Variants in ATXN7 observed in about 807,000 individuals in gnomAD.
ATXN7 encodes ataxin 7.
A neutral mutation model predicts 70.5 loss-of-function variants in ATXN7; 12 were observed. The observed-to-expected ratio is 0.17, with a 90% confidence interval of 0.11 to 0.28. The LOEUF is 0.28. Ranked by LOEUF, ATXN7 falls within the 10% of genes least tolerant of loss-of-function variation. The probability of loss-of-function intolerance (pLI) is 1.00; values close to 1 mark genes in which losing one functional copy is unlikely to be tolerated. For missense variants in ATXN7, 1,256 were observed against 1,131.7 expected, an observed-to-expected ratio of 1.11 and a Z score of -1.58; for synonymous variants, 498 against 448.7, an observed-to-expected ratio of 1.11 and a Z score of -1.39.
intron 4 of ATXN7, among the ~76,000 whole-genome samples, chr3:63,944,267 T>TTAAAGCTTAACTTATAACTTATAACTTA (rs2074820327): frequency 6.6e-6 from 1 of 152,212 alleles, no homozygotes; most frequent in Non-Finnish European, 1.5e-5. Flanking sequence ...CATAACTATG[T>TTAAAGCTTAACTTATAACTTATAACTTA]TAAAGCTTAA....
In ATXN7 at chr3:63,990,441, C is replaced by G. The variant is rs139396106; in HGVS notation, c.1560+67C>G. On this transcript the variant is annotated intron_variant, in intron 10 of 12. Transcript: ENST00000674280. ...GCATGGACAGGGCACTGCAGGGGGG[C>G]GCGCCAGGGATCTTGGCATGCCCGT... is the stretch of plus-strand genomic sequence containing the variant. The G allele has an allele frequency of 1.3e-5, 20 of 1,568,702 alleles. No individual in the cohort carries two copies. The East Asian group carries it at 2.7e-4, about 21-fold the overall frequency.
chr3:63,989,454 T>A (rs980045606), intron 9 of ATXN7, among the ~76,000 whole-genome samples: 1 of 152,206 alleles, frequency 6.6e-6, no homozygotes, highest in Non-Finnish European at 1.5e-5. Context: ...TTTTGCAAAT[T>A]ACAGTCAGCC....
chr3:64,000,085 T>G lies in ATXN7; in HGVS notation c.*618T>G, dbSNP rs1057073382. ...ACCATGACAAAATAGCCCAGCCTTT[T>G]GAGAGTAATTTGGGAAAAGAAGCTG... On this transcript the variant is annotated 3_prime_UTR_variant, in exon 13 of 13. Transcript: ENST00000674280. 2.0e-5 allele frequency: 3 copies of G among 152,672 alleles called. No homozygotes were observed. The highest frequency in any genetic ancestry group is 7.2e-5 in the African/African-American group (3 of 41,432). 9.5% of individuals were successfully genotyped at this position (152,672 alleles called of 1,614,324 possible).
chr3:63,881,884 G>A (rs1191076957), intron 1 of ATXN7, among the ~76,000 whole-genome samples: 2 of 152,300 alleles, frequency 1.3e-5, no homozygotes, highest in East Asian at 1.9e-4. Context: ...CTAGGCCAGG[G>A]AGTTACTTTC....
chr3:63,996,388 G>C lies in ATXN7; in HGVS notation c.2566G>C (p.Val856Leu). 1 of 1,614,108 alleles carries C rather than the reference G, an allele frequency of 6.2e-7. No homozygotes were observed. The highest frequency in any genetic ancestry group is 8.5e-7 in the Non-Finnish European group (1 of 1,180,032). ...CAACAGCAGCAGCAAACCCACAAAGGTTGCCAAAGTGCCAGCCGTGAACAA... is the reference window on the plus strand; with the variant it reads ...CAACAGCAGCAGCAAACCCACAAAGCTTGCCAAAGTGCCAGCCGTGAACAA... ...INNSSSKPTK[V>L]AKVPAVNNVH... Residue 856 changes from valine (V) to leucine (L), a missense_variant, in exon 12 of 13, where the codon GTT becomes CTT. Val to Leu is a conservative substitution (Grantham distance 32). Transcript: ENST00000674280.
intron 1 of ATXN7, among the ~76,000 whole-genome samples, chr3:63,872,206 A>G (rs1285672064): frequency 1.3e-5 from 2 of 152,246 alleles, no homozygotes; most frequent in Admixed American, 6.5e-5. Flanking sequence ...AAACTTTAGG[A>G]CGTGAATACA....
chr3:63,896,036 C>T (rs1041667112), intron 1 of ATXN7, among the ~76,000 whole-genome samples: 4 of 152,070 alleles, frequency 2.6e-5, no homozygotes, highest in Admixed American at 1.3e-4. Context: ...CAGTTTGTGT[C>T]GTGTGTCCAG....
intron 1 of ATXN7, among the ~76,000 whole-genome samples, chr3:63,868,503 A>G (rs534956646): frequency 2.9e-4 from 44 of 152,364 alleles, no homozygotes; most frequent in Admixed American, 6.5e-4. Context: ...TAATAAGTAC[A>G]TTATTTCCAA....
intron 4 of ATXN7, among the ~76,000 whole-genome samples, chr3:63,927,040 G>T (rs549672375): frequency 3.9e-5 from 6 of 152,216 alleles, no homozygotes; most frequent in African/African-American, 1.4e-4. Context: ...TGTATGTGCC[G>T]CATTTTCTTT....
At chr3:63,903,404 A>G (rs939976429) in intron 2 of ATXN7, among the ~76,000 whole-genome samples, 1 of 151,624 alleles carries the variant, frequency 6.6e-6, no homozygotes. Context: ...AAAAAAAAAA[A>G]AAAAAGGCAC....
chr3:63,873,304 C>T (rs1267651632), intron 1 of ATXN7, among the ~76,000 whole-genome samples: 1 of 152,154 alleles, frequency 6.6e-6, no homozygotes, highest in Non-Finnish European at 1.5e-5. Context: ...GATGTGGTGA[C>T]AACAATGCCA....
intron 2 of ATXN7, among the ~76,000 whole-genome samples, chr3:63,903,105 C>T (rs1391723532): frequency 1.3e-5 from 2 of 151,814 alleles, no homozygotes; most frequent in Non-Finnish European, 2.9e-5. Context: ...CAAAAATAGG[C>T]ACATGTGGGC....
chr3:63,888,383 C>T (rs1703151003), intron 1 of ATXN7, among the ~76,000 whole-genome samples: 4 of 152,188 alleles, frequency 2.6e-5, no homozygotes, highest in Admixed American at 2.0e-4. Context: ...AAAACCAGGA[C>T]ATTGACATTG....
At chr3:63,875,788 G>T (rs568767888) in intron 1 of ATXN7, among the ~76,000 whole-genome samples, 1 of 152,000 alleles carries the variant, frequency 6.6e-6, no homozygotes, top group Non-Finnish European at 1.5e-5. Flanking sequence ...TTTAATTAAG[G>T]TCTCCAGACA....
At chr3:63,887,193 A>G (rs1183488228) in intron 1 of ATXN7, among the ~76,000 whole-genome samples, 1 of 152,216 alleles carries the variant, frequency 6.6e-6, no homozygotes, top group Admixed American at 6.5e-5. Context: ...ATCAGGGGGC[A>G]TGTTTGTGAT....
chr3:63,973,480 A>G (rs563269278), intron 5 of ATXN7, among the ~76,000 whole-genome samples: 11 of 152,184 alleles, frequency 7.2e-5, no homozygotes, highest in South Asian at 4.1e-4. Context: ...GACAGCCCCA[A>G]TTGGCACATT....
At chr3:63,967,593 C>G (rs1429323057) in intron 5 of ATXN7, among the ~76,000 whole-genome samples, 3 of 152,090 alleles carry the variant, frequency 2.0e-5, no homozygotes, top group Admixed American at 6.5e-5. Flanking sequence ...AAAAAATTCA[C>G]AAAATATAAG....
At chr3:63,993,415 A>T (rs1472560076) in intron 11 of ATXN7, among the ~76,000 whole-genome samples, 1 of 149,782 alleles carries the variant, frequency 6.7e-6, no homozygotes, top group Admixed American at 6.7e-5. Context: ...GCGCCACTGC[A>T]CTCCAGCCTG....
At chr3:63,939,825 G>T (rs1234889913) in intron 4 of ATXN7, among the ~76,000 whole-genome samples, 3 of 152,070 alleles carry the variant, frequency 2.0e-5, no homozygotes, top group African/African-American at 7.2e-5. Flanking sequence ...GGACAGAATG[G>T]GTTTGGAACT....
Sources: gnomAD v4.1 joint callset for allele counts (sites outside exome capture counted in the v4.1 genomes callset) on GRCh38, gnomAD v4.1.1 for gene constraint, MANE v1.5 for transcripts, NCBI Gene and HGNC (gene_info 2026-07-23, HGNC 2026-07-21) for gene names.